SLC30A8: variants seen among roughly 807,000 people sequenced by gnomAD.
SLC30A8 encodes proton-coupled zinc antiporter SLC30A8.
Under a neutral mutation model 36.9 loss-of-function variants are expected in SLC30A8, and 27 were observed. The ratio of observed to expected loss-of-function variants is 0.73; its 90% CI spans 0.54 to 1.01. The LOEUF (loss-of-function observed/expected upper bound fraction) is 1.01. SLC30A8 is among the 50% of genes least tolerant of loss of function. SLC30A8 has a pLI of 0.00. For missense variants in SLC30A8, 439 were observed against 452.0 expected, an observed-to-expected ratio of 0.97 and a Z score of 0.26; for synonymous variants, 164 against 172.4, an observed-to-expected ratio of 0.95 and a Z score of 0.38.
chr8:116,983,941 A>G (rs569634261), intron 1 of SLC30A8, among the ~76,000 whole-genome samples: 1 of 152,254 alleles, frequency 6.6e-6, no homozygotes, highest in South Asian at 2.1e-4. Flanking sequence ...ATGCAGGGCT[A>G]TTTCTTCAAC....
In SLC30A8 at chr8:117,163,256, T is replaced by C. The variant is rs558487714; in HGVS notation, c.724-169T>C. Among the ~76,000 whole-genome samples, 3 of 152,324 alleles carry C rather than the reference T, an allele frequency of 2.0e-5. No homozygotes were observed. The East Asian group carries it at 5.8e-4, about 29-fold the overall frequency. ...GGTAGTTTAAAGCTGAAAGGAAGGATTGAGTCTTCAAAAACAAAGTCTTCC... is the reference window on the plus strand; with the variant it reads ...GGTAGTTTAAAGCTGAAAGGAAGGACTGAGTCTTCAAAAACAAAGTCTTCC... On this transcript the variant is annotated intron_variant, in intron 5 of 7. Coordinates refer to ENST00000456015, the MANE Select transcript of SLC30A8 (RefSeq NM_173851.3).
At chr8:117,021,033 T>C (rs1816680309) in intron 1 of SLC30A8, among the ~76,000 whole-genome samples, 1 of 152,196 alleles carries the variant, frequency 6.6e-6, no homozygotes, top group Non-Finnish European at 1.5e-5. Flanking sequence ...TGTATGATGG[T>C]GTCATTCCTG....
intron 1 of SLC30A8, among the ~76,000 whole-genome samples, chr8:116,974,515 A>T (rs143123715): frequency 0.015 from 2,220 of 152,300 alleles, 62 homozygotes; most frequent in African/African-American, 0.05. Context: ...TAGAATGATG[A>T]TCATTAAAAA....
chr8:117,127,099 G>A (rs1273696581), intron 2 of SLC30A8, among the ~76,000 whole-genome samples: 3 of 151,966 alleles, frequency 2.0e-5, no homozygotes, highest in Non-Finnish European at 2.9e-5. Flanking sequence ...CACTGGACCT[G>A]TCCTTGGGTT....
At chr8:116,999,334 T>A (rs1815929603) in intron 1 of SLC30A8, among the ~76,000 whole-genome samples, 2 of 151,840 alleles carry the variant, frequency 1.3e-5, no homozygotes, top group Admixed American at 1.3e-4. Context: ...GACTTGGGGC[T>A]GGGTGTGGAA....
At chr8:116,953,946 A>G (rs955311563) in intron 1 of SLC30A8, among the ~76,000 whole-genome samples, 2 of 152,214 alleles carry the variant, frequency 1.3e-5, no homozygotes, top group African/African-American at 4.8e-5. Flanking sequence ...CAGTGTGGAA[A>G]GAATGAATCT....
chr8:117,000,363 C>T (rs966262828), intron 1 of SLC30A8, among the ~76,000 whole-genome samples: 12 of 152,106 alleles, frequency 7.9e-5, no homozygotes, highest in East Asian at 1.9e-4. Context: ...TGGGCCCTGA[C>T]GCTTCCAGTC....
At chr8:117,064,881 G>A (rs112012611) in intron 2 of SLC30A8, among the ~76,000 whole-genome samples, 330 of 152,312 alleles carry the variant, frequency 2.2e-3, no homozygotes, top group African/African-American at 7.7e-3. Flanking sequence ...CAATGGCACT[G>A]TTCGATTTAT....
At chr8:117,165,975 G>C (rs1380635135) in intron 6 of SLC30A8, among the ~76,000 whole-genome samples, 1 of 152,058 alleles carries the variant, frequency 6.6e-6, no homozygotes, top group East Asian at 1.9e-4. Flanking sequence ...CAGAGGGAGG[G>C]AAGGGGAAGA....
intron 3 of SLC30A8, among the ~76,000 whole-genome samples, chr8:117,156,972 T>A (rs930657925): frequency 1.3e-5 from 2 of 152,224 alleles, no homozygotes; most frequent in Non-Finnish European, 2.9e-5. Flanking sequence ...TTCTGGGTTT[T>A]TAGAATCTAT....
chr8:117,066,708 A>G (rs1248351564), intron 2 of SLC30A8, among the ~76,000 whole-genome samples: 2 of 152,152 alleles, frequency 1.3e-5, no homozygotes, highest in African/African-American at 2.4e-5. Context: ...GGACTCCTGG[A>G]AAAGATGTGT....
chr8:117,088,117 G>C lies in SLC30A8; in HGVS notation c.-225-47163G>C, dbSNP rs577138959. ...AGGGAGAGAGAAAGAGAAACAAACA[G>C]AGAGAATGCATAAGGCAGAGATCCA... On this transcript the variant is annotated intron_variant, in intron 2 of 10. Coordinates refer to the SLC30A8 transcript ENST00000427715. 1.5e-4 allele frequency among the ~76,000 whole-genome samples: 23 copies of C among 152,212 alleles called. No individual in the cohort carries two copies. In the South Asian group the frequency reaches 3.5e-3, roughly 23 times the overall value.
chr8:116,999,128 G>A (rs910174472), intron 1 of SLC30A8, among the ~76,000 whole-genome samples: 1 of 152,064 alleles, frequency 6.6e-6, no homozygotes, highest in Non-Finnish European at 1.5e-5. Context: ...GCATGATGGC[G>A]CATGTTTGTA....
Position 117,124,482 on chromosome 8 carries a change from C to G in SLC30A8, c.-225-10798C>G, listed in dbSNP as rs532150961. On this transcript the variant is annotated intron_variant, in intron 2 of 10. Transcript: ENST00000427715. ...TTTCCACACAGGCTTTCATGGTTGC[C>G]ACAGCAGGCAAAATCAGAGCTGTGG... Among the ~76,000 whole-genome samples the G allele has an allele frequency of 5.9e-4, 90 of 151,866 alleles. 1 individual carries two copies. The highest frequency in any genetic ancestry group is 1.1e-3 in the Non-Finnish European group (74 of 67,892).
intron 2 of SLC30A8, among the ~76,000 whole-genome samples, chr8:117,063,319 AG>A (rs1174550243): frequency 6.6e-6 from 1 of 152,144 alleles, no homozygotes; most frequent in Non-Finnish European, 1.5e-5. Context: ...TGCGTGGGTC[AG>A]CCAGAGGGCT....
intron 1 of SLC30A8, among the ~76,000 whole-genome samples, chr8:116,990,621 G>A (rs1297213131): frequency 6.6e-6 from 1 of 152,088 alleles, no homozygotes; most frequent in African/African-American, 2.4e-5. Context: ...GCAACGTGAT[G>A]ACTATATGCA....
chr8:116,979,390 G>C (rs1815179505), intron 1 of SLC30A8, among the ~76,000 whole-genome samples: 1 of 152,144 alleles, frequency 6.6e-6, no homozygotes, highest in African/African-American at 2.4e-5. Flanking sequence ...AGAAGGGATA[G>C]AGACTAAATG....
intron 1 of SLC30A8, among the ~76,000 whole-genome samples, chr8:116,966,831 GCAT>G (rs1814616505): frequency 6.6e-6 from 1 of 152,188 alleles, no homozygotes. Flanking sequence ...CCCATCAGTG[GCAT>G]GATGGCAATG....
At chr8:116,960,988 AGAAGGAAGGAAG>A (rs939260120) in intron 1 of SLC30A8, among the ~76,000 whole-genome samples, 1 of 152,064 alleles carries the variant, frequency 6.6e-6, no homozygotes, top group Non-Finnish European at 1.5e-5. Context: ...TTATTAGTAC[AGAAGGAAGGAAG>A]GAAGGAAAGA....
Sources: gnomAD v4.1 joint callset for allele counts (sites outside exome capture counted in the v4.1 genomes callset) on GRCh38, gnomAD v4.1.1 for gene constraint, MANE v1.5 for transcripts, NCBI Gene and HGNC (gene_info 2026-07-23, HGNC 2026-07-21) for gene names.